The following WWOX variants were observed in gnomAD, a reference collection of about 807,000 sequenced individuals.
WWOX encodes the protein WW domain containing oxidoreductase.
Under a neutral mutation model 46.2 loss-of-function variants are expected in WWOX, and 69 were observed. The ratio of observed to expected loss-of-function variants is 1.49; its 90% CI spans 1.23 to 1.82. WWOX has a LOEUF of 1.82. Among genes scored for constraint, WWOX ranks in the 40% most tolerant of loss-of-function variants. The pLI is 0.00. For missense variants in WWOX, 919 were observed against 542.6 expected (o/e 1.69, Z -6.89); for synonymous variants, 359 against 202.6 (o/e 1.77, Z -6.56).
At chr16:78,753,052 T>A (rs890110117) in intron 8 of WWOX, among the ~76,000 whole-genome samples, 1 of 152,190 alleles carries the variant, frequency 6.6e-6, no homozygotes, top group East Asian at 1.9e-4. Context: ...CCCAGCACTT[T>A]GGGAGGCCGA....
intron 8 of WWOX, chr16:78,757,007 A>C (rs2049666949): frequency 1.4e-6 from 1 of 699,766 alleles, no homozygotes; most frequent in Admixed American, 2.0e-5. Flanking sequence ...GCCTCCTGCC[A>C]ACAGCCATGT....
chr16:79,042,458 C>T (rs894392354), intron 8 of WWOX, among the ~76,000 whole-genome samples: 1 of 152,170 alleles, frequency 6.6e-6, no homozygotes, highest in African/African-American at 2.4e-5. Context: ...TATTTATCTT[C>T]CTCTGCCCAG....
At chr16:78,131,079 G>A (rs2033574099) in intron 4 of WWOX, among the ~76,000 whole-genome samples, 1 of 152,204 alleles carries the variant, frequency 6.6e-6, no homozygotes, top group South Asian at 2.1e-4. Flanking sequence ...AAACACAGAA[G>A]TGGTACAGTA....
At chr16:79,058,499 A>G (rs1416258788) in intron 8 of WWOX, among the ~76,000 whole-genome samples, 1 of 152,136 alleles carries the variant, frequency 6.6e-6, no homozygotes, top group Admixed American at 6.5e-5. Context: ...GAGGGATGGA[A>G]AGGAGGAAGG....
chr16:78,534,824 CCTGA>C (rs71663609), intron 8 of WWOX, among the ~76,000 whole-genome samples: 2,147 of 152,086 alleles, frequency 0.014, 23 homozygotes, highest in African/African-American at 0.027. Context: ...ATTCCACTGC[CCTGA>C]TCAGCTTCCT....
chr16:78,973,936 A>G (rs927304303), intron 8 of WWOX, among the ~76,000 whole-genome samples: 1 of 152,212 alleles, frequency 6.6e-6, no homozygotes, highest in Non-Finnish European at 1.5e-5. Flanking sequence ...TGTTTATTTA[A>G]TTTAACATTA....
Position 78,180,669 on chromosome 16 carries a change from A to C in WWOX, c.516+16380A>C, listed in dbSNP as rs151237482. On this transcript the variant is annotated intron_variant, in intron 5 of 8. Coordinates refer to ENST00000566780, the MANE Select transcript of WWOX (RefSeq NM_016373.4). ...GTGGGTAAACCCAGCCGCACCGGAG[A>C]GTTGTGGGTATATGTTAGGGCCAGT... Among the ~76,000 whole-genome samples the C allele has an allele frequency of 5.2e-3, 795 of 151,772 alleles. 7 individuals carry two copies. Among genetic ancestry groups the C allele is most frequent in the Non-Finnish European group, 7.9e-3 (537 of 67,956 alleles).
At chr16:78,370,402 T>A (rs1429343444) in intron 5 of WWOX, among the ~76,000 whole-genome samples, 2 of 152,118 alleles carry the variant, frequency 1.3e-5, no homozygotes, top group Admixed American at 6.5e-5. Context: ...ATATTATTCA[T>A]TGGATAAATA....
At chr16:78,907,887 G>A (rs1437266388) in intron 8 of WWOX, among the ~76,000 whole-genome samples, 1 of 152,118 alleles carries the variant, frequency 6.6e-6, no homozygotes, top group Non-Finnish European at 1.5e-5. Context: ...GCATGTCAAG[G>A]GTCGATGAAT....
chr16:78,642,407 T>A (rs1368721843), intron 8 of WWOX, among the ~76,000 whole-genome samples: 3 of 152,220 alleles, frequency 2.0e-5, no homozygotes, highest in Admixed American at 6.5e-5. Context: ...GTCTCTCTCC[T>A]TGCTTCTTTC....
chr16:78,902,041 G>T (rs541995219), intron 8 of WWOX, among the ~76,000 whole-genome samples: 3 of 152,240 alleles, frequency 2.0e-5, no homozygotes, highest in African/African-American at 7.2e-5. Flanking sequence ...AAATTACTGG[G>T]TTGGCGGGAG....
chr16:79,122,144 A>G (rs959569672), intron 8 of WWOX, among the ~76,000 whole-genome samples: 1 of 152,176 alleles, frequency 6.6e-6, no homozygotes, highest in African/African-American at 2.4e-5. Flanking sequence ...GGCCGGGAAC[A>G]CAGCTGTTTC....
At chr16:78,962,949 C>T (rs1449597958) in intron 8 of WWOX, among the ~76,000 whole-genome samples, 3 of 152,124 alleles carry the variant, frequency 2.0e-5, no homozygotes, top group Admixed American at 6.6e-5. Context: ...GGGATTTGCC[C>T]ACGATATTTC....
At chr16:78,615,621 A>G (rs1483411532) in intron 8 of WWOX, among the ~76,000 whole-genome samples, 1 of 152,102 alleles carries the variant, frequency 6.6e-6, no homozygotes, top group Non-Finnish European at 1.5e-5. Flanking sequence ...GCACCACTGT[A>G]TTCCAGTCTG....
In WWOX at chr16:78,695,934, A is replaced by G. The variant is rs988474813; in HGVS notation, c.1056+263182A>G. Among the ~76,000 whole-genome samples, 3 of 152,300 alleles carry G rather than the reference A, an allele frequency of 2.0e-5. No individual in the cohort carries two copies. The South Asian group carries it at 6.2e-4, about 32-fold the overall frequency. On this transcript the variant is annotated intron_variant, in intron 8 of 8. Coordinates refer to ENST00000566780, the MANE Select transcript of WWOX (RefSeq NM_016373.4). ...GGGTCCCTGGACCGGCAGCATCACC[A>G]TCACCTGGAAACTTGTTAGAGATGC... is the stretch of plus-strand genomic sequence containing the variant.
intron 8 of WWOX, among the ~76,000 whole-genome samples, chr16:79,125,045 ATC>A (rs36057184): frequency 0.34 from 47,162 of 138,974 alleles, 7,847 homozygotes; most frequent in South Asian, 0.49. Flanking sequence ...CTATTTTCCC[ATC>A]TTTTTTTTTT....
intron 6 of WWOX, among the ~76,000 whole-genome samples, chr16:78,390,857 G>C (rs1012422690): frequency 6.6e-6 from 1 of 152,188 alleles, no homozygotes; most frequent in Non-Finnish European, 1.5e-5. Flanking sequence ...CTGTTGCATT[G>C]AGGAGAGGAA....
intron 8 of WWOX, among the ~76,000 whole-genome samples, chr16:78,894,215 T>C (rs1447648854): frequency 6.6e-6 from 1 of 152,014 alleles, no homozygotes; most frequent in Non-Finnish European, 1.5e-5. Flanking sequence ...AATGTTCACT[T>C]TTATTTCCAT....
At chr16:78,543,852 T>A (rs2043958727) in intron 8 of WWOX, among the ~76,000 whole-genome samples, 1 of 152,206 alleles carries the variant, frequency 6.6e-6, no homozygotes, top group Non-Finnish European at 1.5e-5. Flanking sequence ...TTCCTGCTTA[T>A]GACTCTGAAA....
Sources: gnomAD v4.1 joint callset for allele counts (sites outside exome capture counted in the v4.1 genomes callset) on GRCh38, gnomAD v4.1.1 for gene constraint, MANE v1.5 for transcripts, NCBI Gene and HGNC (gene_info 2026-07-23, HGNC 2026-07-21) for gene names.